The following FMNL2 variants were observed in gnomAD, a reference collection of about 807,000 sequenced individuals.
FMNL2 encodes formin-like protein 2.
In FMNL2, 51 loss-of-function variants were observed where a neutral mutation model predicts 130.2. The observed-to-expected ratio is 0.39, with a 90% CI of 0.31 to 0.49. The LOEUF (loss-of-function observed/expected upper bound fraction) is 0.49, where lower values mean the gene tolerates loss of function less well. Ranked by LOEUF, FMNL2 falls within the 20% of genes least tolerant of loss-of-function variation. The probability of loss-of-function intolerance (pLI) is 0.85; values close to 1 mark genes in which losing one functional copy is unlikely to be tolerated. For missense variants in FMNL2, 977 were observed against 1,316.2 expected, an observed-to-expected ratio of 0.74 and a Z score of 3.99; for synonymous variants, 465 against 467.1, an observed-to-expected ratio of 1.00 and a Z score of 0.06.
In FMNL2 at chr2:152,578,883, T is replaced by G. The variant is rs1426416229; in HGVS notation, c.706-5T>G. On this transcript the variant is annotated splice_polypyrimidine_tract_variant and splice_region_variant and intron_variant, in intron 7 of 25. Transcript: ENST00000288670. The stretch of plus-strand genomic sequence containing the variant: ...TGTTTCTTTTTTTTTCCATGTTAAT[T>G]TTAGTATGGTTTCAACATGGTCATG... The G allele has an allele frequency of 1.9e-6, 3 of 1,608,876 alleles. No homozygotes were observed. In the African/African-American group the frequency reaches 4.0e-5, roughly 22 times the overall value.
chr2:152,644,754 T>C lies in FMNL2; in HGVS notation c.3170-3042T>C, dbSNP rs930894136. Among the ~76,000 whole-genome samples the C allele has an allele frequency of 2.6e-5, 4 of 152,334 alleles. No homozygotes were observed. The East Asian group carries it at 5.8e-4, about 22-fold the overall frequency. ...TCTGTGATCAGATCATATCTTGACC[T>C]GCTTCTTTGGTCAGGATGATGGCAC... On this transcript the variant is annotated intron_variant, in intron 25 of 25. Transcript: ENST00000288670.
intron 1 of FMNL2, among the ~76,000 whole-genome samples, chr2:152,504,095 G>A (rs1395469580): frequency 1.3e-5 from 2 of 152,172 alleles, no homozygotes; most frequent in Non-Finnish European, 2.9e-5. Flanking sequence ...GGAGGTTGGG[G>A]CATGAGAATT....
intron 9 of FMNL2, among the ~76,000 whole-genome samples, chr2:152,592,491 A>ATG (rs1697493385): frequency 6.6e-6 from 1 of 152,222 alleles, no homozygotes; most frequent in African/African-American, 2.4e-5. Flanking sequence ...GAAAGAAAGC[A>ATG]TGAGCAGAGT....
chr2:152,638,988 G>A lies in FMNL2; in HGVS notation c.2947-970G>A, dbSNP rs570238966. Among the ~76,000 whole-genome samples the A allele has an allele frequency of 9.8e-5, 15 of 152,316 alleles. No individual in the cohort carries two copies. In the South Asian group the frequency reaches 3.1e-3, roughly 32 times the overall value. On this transcript the variant is annotated intron_variant, in intron 23 of 25. Transcript: ENST00000288670. ...GAGGAAAAAAGAAGCTGCCCTTGGT[G>A]GTCTGGGCTGTGTTGGAGGTCCCAG...
chr2:152,611,351 T>G, intron 10 of FMNL2, 144 bp from the exon 11 acceptor site: 1 of 528,776 alleles, frequency 1.9e-6, no homozygotes, highest in East Asian at 3.2e-5. Context: ...AAAAAAACCA[T>G]ATATATATTT....
intron 1 of FMNL2, among the ~76,000 whole-genome samples, chr2:152,501,939 T>C (rs1294666554): frequency 1.3e-5 from 2 of 152,262 alleles, no homozygotes; most frequent in Admixed American, 6.5e-5. Context: ...AAACTGTAAC[T>C]GCATGGTAGC....
intron 15 of FMNL2, chr2:152,622,595 A>G (rs1481672547): frequency 2.2e-6 from 1 of 456,348 alleles, no homozygotes; most frequent in Non-Finnish European, 4.4e-6. Context: ...AGTATTTGCC[A>G]TGTGTTTCTG....
intron 13 of FMNL2, among the ~76,000 whole-genome samples, chr2:152,618,495 T>A (rs1389864501): frequency 6.6e-6 from 1 of 152,160 alleles, no homozygotes; most frequent in Non-Finnish European, 1.5e-5. Context: ...CAAATGAATG[T>A]TAAAATAAAA....
chr2:152,574,990 A>G (rs1266045334), intron 6 of FMNL2, 146 bp from the exon 7 acceptor site: 2 of 552,910 alleles, frequency 3.6e-6, no homozygotes, highest in African/African-American at 1.9e-5. Flanking sequence ...TAGAGGTTGA[A>G]ATCAATCTTA....
chr2:152,638,681 G>A (rs190006878), intron 23 of FMNL2, among the ~76,000 whole-genome samples: 13 of 152,288 alleles, frequency 8.5e-5, no homozygotes, highest in Admixed American at 2.6e-4. Context: ...CACAAACTCC[G>A]TGTGCCAGAC....
intron 10 of FMNL2, among the ~76,000 whole-genome samples, chr2:152,609,304 T>C (rs908960361): frequency 1.3e-4 from 20 of 152,212 alleles, no homozygotes; most frequent in Non-Finnish European, 2.2e-4. Context: ...TAAAACTCAG[T>C]AGATCATTTA....
At chr2:152,611,630 T>C in intron 11 of FMNL2, 25 bp downstream of exon 11, 2 of 1,442,974 alleles carry the variant, frequency 1.4e-6, no homozygotes, top group Non-Finnish European at 1.9e-6. Context: ...GACCTTTGGC[T>C]CCAATATAAG....
intron 1 of FMNL2, among the ~76,000 whole-genome samples, chr2:152,374,478 ATG>A: frequency 6.6e-6 from 1 of 152,178 alleles, no homozygotes; most frequent in Non-Finnish European, 1.5e-5. Context: ...AGTTGTAAAT[ATG>A]TGTTTGGAAG....
chr2:152,589,106 T>TA (rs397940537), intron 9 of FMNL2, among the ~76,000 whole-genome samples: 61,009 of 141,796 alleles, frequency 0.43, 13,047 homozygotes, highest in African/African-American at 0.54. Context: ...TGGGGGAGCT[T>TA]AAAAAAAAAA....
At chr2:152,637,019 AG>A (rs1682675356) in intron 22 of FMNL2, among the ~76,000 whole-genome samples, 1 of 152,196 alleles carries the variant, frequency 6.6e-6, no homozygotes, top group South Asian at 2.1e-4. Flanking sequence ...GTACGCTATC[AG>A]AAGAGGCAGA....
chr2:152,601,667 C>CTTTT (rs36031692), intron 9 of FMNL2, among the ~76,000 whole-genome samples: 23 of 132,236 alleles, frequency 1.7e-4, no homozygotes, highest in African/African-American at 5.3e-4. Flanking sequence ...CTTTTCTTTT[C>CTTTT]TTTCTTTTTT....
chr2:152,365,067 A>G (rs145381724), intron 1 of FMNL2, among the ~76,000 whole-genome samples: 1 of 152,360 alleles, frequency 6.6e-6, no homozygotes, highest in Non-Finnish European at 1.5e-5. Flanking sequence ...TGTGCTGGGT[A>G]CTGTATTAGA....
chr2:152,584,798 AT>A (rs1253750514), intron 9 of FMNL2, among the ~76,000 whole-genome samples: 6 of 152,244 alleles, frequency 3.9e-5, no homozygotes, highest in African/African-American at 1.4e-4. Context: ...TTTGATGAAT[AT>A]TTAGAATCCC....
intron 7 of FMNL2, among the ~76,000 whole-genome samples, chr2:152,576,435 A>G (rs550317032): frequency 1.3e-5 from 2 of 152,226 alleles, no homozygotes; most frequent in Non-Finnish European, 2.9e-5. Flanking sequence ...TACATGTTAC[A>G]CTTTTCAGGT....
Sources: gnomAD v4.1 joint callset for allele counts (sites outside exome capture counted in the v4.1 genomes callset) on GRCh38, gnomAD v4.1.1 for gene constraint, MANE v1.5 for transcripts, NCBI Gene and HGNC (gene_info 2026-07-23, HGNC 2026-07-21) for gene names.